The following CAST variants were observed in gnomAD, a reference collection of about 807,000 sequenced individuals.
CAST encodes MIR583 host.
Under a neutral mutation model 119.6 loss-of-function variants are expected in CAST, and 76 were observed. The observed-to-expected ratio is 0.64, with a 90% CI of 0.53 to 0.77. The LOEUF is 0.77. Among genes scored for constraint, CAST ranks in the 30% least tolerant of loss-of-function variants. The probability of loss-of-function intolerance (pLI) is 0.00; values close to 1 mark genes in which losing one functional copy is unlikely to be tolerated. For missense variants in CAST, 953 were observed against 946.5 expected (o/e 1.01, Z -0.09); for synonymous variants, 319 against 331.6 (o/e 0.96, Z 0.41).
chr5:96,367,270 C>G, the CAST span, among the ~76,000 whole-genome samples: 1 of 150,054 alleles, frequency 6.7e-6, no homozygotes, highest in Non-Finnish European at 1.5e-5. Flanking sequence ...ACTCGGGTGT[C>G]AGGGACCCAC....
At chr5:96,092,672 T>C in the CAST span, among the ~76,000 whole-genome samples, 566 of 152,346 alleles carry the variant, frequency 3.7e-3, 3 homozygotes, top group African/African-American at 0.013. Flanking sequence ...GGGAATAATT[T>C]GAGGCCAACT....
At chr5:95,966,490 G>C in the CAST span, among the ~76,000 whole-genome samples, 2 of 152,066 alleles carry the variant, frequency 1.3e-5, no homozygotes, top group Non-Finnish European at 2.9e-5. Flanking sequence ...GGATTAGGAG[G>C]TGTTATCCCA....
the CAST span, among the ~76,000 whole-genome samples, chr5:96,257,582 A>G: frequency 1.3e-5 from 2 of 152,224 alleles, no homozygotes; most frequent in African/African-American, 2.4e-5. Flanking sequence ...TCAAAGCCAG[A>G]TAGGGATAGT....
At chr5:96,485,395 C>T in the CAST span, among the ~76,000 whole-genome samples, 1 of 152,288 alleles carries the variant, frequency 6.6e-6, no homozygotes, top group South Asian at 2.1e-4. Context: ...ATTCAACTCC[C>T]TGATGCCTAA....
chr5:96,575,904 A>C (rs1319066220), intron 1 of CAST, among the ~76,000 whole-genome samples: 2 of 152,098 alleles, frequency 1.3e-5, no homozygotes, highest in African/African-American at 2.4e-5. Flanking sequence ...CGGCCTCCCA[A>C]ATTGCTAGGG....
the CAST span, among the ~76,000 whole-genome samples, chr5:96,201,119 T>C: frequency 2.6e-5 from 4 of 152,080 alleles, no homozygotes; most frequent in Non-Finnish European, 5.9e-5. Context: ...TTTAGAATTA[T>C]CTGCAATAAA....
the CAST span, among the ~76,000 whole-genome samples, chr5:96,412,752 GTTTTTTTTTT>G: frequency 1.4e-5 from 1 of 71,832 alleles, no homozygotes; most frequent in African/African-American, 9.0e-5. Flanking sequence ...CAGCTGTGAT[GTTTTTTTTTT>G]TTTTTTTTTT....
At chr5:96,064,207 T>G in the CAST span, among the ~76,000 whole-genome samples, 13 of 152,096 alleles carry the variant, frequency 8.5e-5, no homozygotes, top group African/African-American at 3.1e-4. Context: ...CTGCTTTGAC[T>G]CCAGTATTTC....
chr5:96,702,814 G>T, intron 3 of CAST: 1 of 985,460 alleles, frequency 1.0e-6, no homozygotes, highest in Non-Finnish European at 1.2e-6. Flanking sequence ...TCAGAGAGCT[G>T]GGCTGGAGCT....
chr5:96,735,561 C>T (rs1473456819), intron 9 of CAST, among the ~76,000 whole-genome samples: 4 of 152,120 alleles, frequency 2.6e-5, no homozygotes, highest in Non-Finnish European at 5.9e-5. Context: ...GGCATAGATG[C>T]CACAATAGGA....
intron 1 of CAST, among the ~76,000 whole-genome samples, chr5:96,533,317 T>C (rs1276985867): frequency 6.6e-6 from 1 of 152,046 alleles, no homozygotes; most frequent in Non-Finnish European, 1.5e-5. Context: ...ACAGCTGTAA[T>C]GCAGAACTAC....
At chr5:96,425,225 G>A in the CAST span, among the ~76,000 whole-genome samples, 10 of 152,060 alleles carry the variant, frequency 6.6e-5, no homozygotes, top group East Asian at 1.9e-4. Flanking sequence ...CCATACAGAC[G>A]TAACATTAAA....
intron 2 of CAST, among the ~76,000 whole-genome samples, chr5:96,681,759 C>T (rs1751455528): frequency 6.6e-6 from 1 of 150,950 alleles, no homozygotes; most frequent in Non-Finnish European, 1.5e-5. Flanking sequence ...AAAAATACTA[C>T]CAGGATGTAC....
chr5:96,005,907 G>A, the CAST span, among the ~76,000 whole-genome samples: 6 of 152,028 alleles, frequency 3.9e-5, no homozygotes, highest in Non-Finnish European at 8.8e-5. Flanking sequence ...AAGATGTACA[G>A]AAAATAAAAT....
At chr5:96,069,086 TACAC>T in the CAST span, among the ~76,000 whole-genome samples, 2 of 151,664 alleles carry the variant, frequency 1.3e-5, no homozygotes, top group South Asian at 2.1e-4. Flanking sequence ...TGTATACACA[TACAC>T]ACACATCCTG....
chr5:96,510,612 A>T, the CAST span, among the ~76,000 whole-genome samples: 1 of 152,234 alleles, frequency 6.6e-6, no homozygotes, highest in African/African-American at 2.4e-5. Context: ...TTAAATCCCC[A>T]TTCAAACAAG....
the CAST span, among the ~76,000 whole-genome samples, chr5:96,399,289 C>CA: frequency 1.3e-5 from 2 of 152,140 alleles, no homozygotes; most frequent in African/African-American, 4.8e-5. Context: ...GTAGACCCAT[C>CA]AAAAAGCCCC....
chr5:96,142,446 G>T, the CAST span, among the ~76,000 whole-genome samples: 503 of 152,238 alleles, frequency 3.3e-3, no homozygotes, highest in African/African-American at 0.012. Flanking sequence ...CTTTTTAATT[G>T]TTTACATCGA....
chr5:96,379,266 C>T, the CAST span, among the ~76,000 whole-genome samples: 1 of 152,146 alleles, frequency 6.6e-6, no homozygotes, highest in East Asian at 1.9e-4. Flanking sequence ...AAGAGCAAAG[C>T]AGGTATTGCA....
Sources: gnomAD v4.1 joint callset for allele counts (sites outside exome capture counted in the v4.1 genomes callset) on GRCh38, gnomAD v4.1.1 for gene constraint, MANE v1.5 for transcripts, NCBI Gene and HGNC (gene_info 2026-07-23, HGNC 2026-07-21) for gene names.